HHAT: variants seen among roughly 807,000 people sequenced by gnomAD.
HHAT encodes hedgehog acyltransferase.
HHAT carries 47 observed loss-of-function variants against 70.8 expected under a neutral mutation model. That is an observed-to-expected ratio of 0.66 (90% CI 0.53 to 0.85). The LOEUF (loss-of-function observed/expected upper bound fraction) is 0.85, where lower values mean the gene tolerates loss of function less well. Among genes scored for constraint, HHAT ranks in the 40% least tolerant of loss-of-function variants. The probability of loss-of-function intolerance (pLI) is 0.00; values close to 1 mark genes in which losing one functional copy is unlikely to be tolerated. For missense variants in HHAT, 609 were observed against 604.8 expected (o/e 1.01, Z -0.07); for synonymous variants, 228 against 247.6 (o/e 0.92, Z 0.74).
At chr1:210,435,272 A>C (rs2093347899) in intron 7 of HHAT, among the ~76,000 whole-genome samples, 1 of 151,884 alleles carries the variant, frequency 6.6e-6, no homozygotes. Context: ...AATGACCTCC[A>C]ATTCCATTCA....
intron 9 of HHAT, among the ~76,000 whole-genome samples, chr1:210,559,667 A>G (rs1008992998): frequency 1.3e-5 from 2 of 152,212 alleles, no homozygotes; most frequent in Non-Finnish European, 2.9e-5. Flanking sequence ...CATAGGTCAG[A>G]GACAGAAATC....
At chr1:210,580,721 A>G (rs538266792) in intron 9 of HHAT, among the ~76,000 whole-genome samples, 1 of 152,102 alleles carries the variant, frequency 6.6e-6, no homozygotes, top group South Asian at 2.1e-4. Flanking sequence ...CATCCAGTCT[A>G]TCATTGATGG....
intron 9 of HHAT, among the ~76,000 whole-genome samples, chr1:210,584,074 C>T (rs1659881014): frequency 6.8e-6 from 1 of 147,320 alleles, no homozygotes; most frequent in African/African-American, 2.5e-5. Flanking sequence ...TCCCGAGTAG[C>T]TGAGACTACA....
intron 1 of HHAT, among the ~76,000 whole-genome samples, chr1:210,344,214 G>C (rs997820956): frequency 4.6e-5 from 7 of 152,210 alleles, no homozygotes; most frequent in Non-Finnish European, 7.3e-5. Context: ...TTTGCCGCTA[G>C]TTACTATGTA....
chr1:210,599,178 A>T (rs936592130), intron 10 of HHAT, among the ~76,000 whole-genome samples: 2 of 152,188 alleles, frequency 1.3e-5, no homozygotes, highest in African/African-American at 4.8e-5. Flanking sequence ...GCTAGTGCCT[A>T]TTTAAACTCT....
chr1:210,424,601 C>T (rs2093005951), intron 7 of HHAT, among the ~76,000 whole-genome samples: 2 of 151,700 alleles, frequency 1.3e-5, no homozygotes. Context: ...TCCCACCCTC[C>T]ACCCCGTGAT....
chr1:210,561,866 A>C (rs1324898250), intron 9 of HHAT, among the ~76,000 whole-genome samples: 2 of 152,192 alleles, frequency 1.3e-5, no homozygotes, highest in African/African-American at 4.8e-5. Context: ...CACTCCCTGA[A>C]GGTGGGGACT....
intron 7 of HHAT, among the ~76,000 whole-genome samples, chr1:210,436,927 C>T (rs2093391013): frequency 6.6e-6 from 1 of 151,836 alleles, no homozygotes; most frequent in Middle Eastern, 3.2e-3. Flanking sequence ...ATTGTTTCAT[C>T]CCCTGGTGGA....
intron 7 of HHAT, among the ~76,000 whole-genome samples, chr1:210,422,205 A>G (rs1001900663): frequency 3.9e-5 from 6 of 152,340 alleles, no homozygotes; most frequent in South Asian, 2.1e-4. Context: ...GATACATACA[A>G]TGTATGGTGA....
In HHAT at chr1:210,362,981, A is replaced by C; in HGVS notation, c.159+62A>C. The stretch of plus-strand genomic sequence containing the variant: ...ACCTGATTTCAATATTTCACATCAC[A>C]TTTGTATTTGGAGTCGATCCAGGTA... On this transcript the variant is annotated intron_variant, in intron 3 of 11. Transcript: ENST00000261458. 4.6e-6 allele frequency: 6 copies of C among 1,312,964 alleles called. 1 individual carries two copies. The South Asian group carries it at 7.1e-5, about 16-fold the overall frequency. The allele number at this position is 1,312,964 out of a possible 1,614,324, so 81.3% of individuals were successfully genotyped here. A position where few individuals can be genotyped will look rare whatever the true frequency, so the allele number is the denominator to read the frequency against.
chr1:210,380,472 G>A (rs973462567), intron 3 of HHAT, among the ~76,000 whole-genome samples: 10 of 152,062 alleles, frequency 6.6e-5, no homozygotes, highest in African/African-American at 1.7e-4. Flanking sequence ...CTCAGGAGGC[G>A]GAGGTTGCAG....
chr1:210,360,293 G>T (rs924527032), intron 2 of HHAT, among the ~76,000 whole-genome samples: 8 of 149,166 alleles, frequency 5.4e-5, no homozygotes, highest in African/African-American at 9.9e-5. Context: ...ATGAGGAAAG[G>T]TTGTTTTTGT....
chr1:210,407,715 T>C (rs1333037053), intron 6 of HHAT, among the ~76,000 whole-genome samples: 1 of 152,234 alleles, frequency 6.6e-6, no homozygotes, highest in Non-Finnish European at 1.5e-5. Context: ...CTCACGTTTC[T>C]GTGGAACTCG....
intron 9 of HHAT, among the ~76,000 whole-genome samples, chr1:210,551,337 G>A: frequency 6.7e-6 from 1 of 149,144 alleles, no homozygotes; most frequent in African/African-American, 2.5e-5. Context: ...GTGGGGACCA[G>A]TGCGACTCAT....
At chr1:210,341,833 G>A (rs192979291) in intron 1 of HHAT, among the ~76,000 whole-genome samples, 14 of 152,198 alleles carry the variant, frequency 9.2e-5, no homozygotes, top group African/African-American at 2.6e-4. Flanking sequence ...ACCTTGGGGT[G>A]TTTGTACCCA....
upstream of HHAT, among the ~76,000 whole-genome samples, chr1:210,328,551 C>G (rs2084706778): frequency 6.6e-6 from 1 of 152,258 alleles, no homozygotes; most frequent in African/African-American, 2.4e-5. Context: ...AAAGCCCACC[C>G]TCTTTCCACC....
chr1:210,396,667 T>C (rs563658352), intron 4 of HHAT, among the ~76,000 whole-genome samples: 1 of 152,366 alleles, frequency 6.6e-6, no homozygotes, highest in African/African-American at 2.4e-5. Context: ...TTATTTGTAA[T>C]AGCCCCACAT....
At chr1:210,340,612 A>G (rs1188685441) in intron 1 of HHAT, among the ~76,000 whole-genome samples, 1 of 152,054 alleles carries the variant, frequency 6.6e-6, no homozygotes, top group African/African-American at 2.4e-5. Flanking sequence ...TCCAAGGTAA[A>G]TCGGTTAGGT....
At chr1:210,637,381 T>C (rs12739187) in intron 11 of HHAT, among the ~76,000 whole-genome samples, 10,476 of 152,250 alleles carry the variant, frequency 0.069, 516 homozygotes, top group Admixed American at 0.1. Flanking sequence ...ACACCAAAGA[T>C]ACAAGTAACA....
Sources: allele counts gnomAD v4.1 joint callset (sites outside exome capture counted in the v4.1 genomes callset), GRCh38; gene constraint gnomAD v4.1.1; transcripts MANE v1.5; gene names NCBI Gene and HGNC (gene_info 2026-07-23, HGNC 2026-07-21).